Variants in OSBPL1A observed in about 807,000 individuals in gnomAD.
OSBPL1A encodes the protein oxysterol-binding protein-related protein 1.
In OSBPL1A, 80 loss-of-function variants were observed where a neutral mutation model predicts 137.1. The ratio of observed to expected loss-of-function variants is 0.58; its 90% confidence interval spans 0.49 to 0.70. The LOEUF is 0.70. Among genes scored for constraint, OSBPL1A ranks in the 30% least tolerant of loss-of-function variants. The pLI, the probability that OSBPL1A is intolerant of heterozygous loss-of-function variation, is 0.00. For synonymous variants in OSBPL1A, 365 were observed against 389.7 expected (o/e 0.94, Z 0.75); for missense variants, 970 against 1,129.4 (o/e 0.86, Z 2.02).
At chr18:24,236,711 GT>G (rs1338361150) in intron 16 of OSBPL1A, among the ~76,000 whole-genome samples, 9 of 152,126 alleles carry the variant, frequency 5.9e-5, no homozygotes, top group African/African-American at 1.9e-4. Context: ...GAGCCTAGGC[GT>G]TTGGACTGAG....
intron 14 of OSBPL1A, among the ~76,000 whole-genome samples, chr18:24,290,212 G>A (rs1219341102): frequency 4.6e-5 from 7 of 152,110 alleles, no homozygotes; most frequent in Admixed American, 6.6e-5. Flanking sequence ...TAAAGACACC[G>A]AATAAAACAG....
intron 14 of OSBPL1A, among the ~76,000 whole-genome samples, chr18:24,300,496 G>A (rs888782660): frequency 2.0e-5 from 3 of 152,218 alleles, no homozygotes; most frequent in Non-Finnish European, 4.4e-5. Flanking sequence ...ATCTGAGTTA[G>A]AAGAGTTCCT....
At chr18:24,378,969 A>G (rs1036321884) in intron 1 of OSBPL1A, among the ~76,000 whole-genome samples, 1 of 152,176 alleles carries the variant, frequency 6.6e-6, no homozygotes, top group Non-Finnish European at 1.5e-5. Context: ...GACAAAGACC[A>G]AAACCAAACA....
At chr18:24,207,086 T>C (rs924024791) in intron 17 of OSBPL1A, among the ~76,000 whole-genome samples, 1 of 152,208 alleles carries the variant, frequency 6.6e-6, no homozygotes, top group Non-Finnish European at 1.5e-5. Flanking sequence ...CAATGAGGTA[T>C]GAAGAACACA....
intron 22 of OSBPL1A, 140 bp from the exon 23 acceptor site, chr18:24,171,638 G>T: frequency 1.5e-6 from 1 of 646,894 alleles, no homozygotes; most frequent in South Asian, 2.1e-5. Flanking sequence ...AAGTGATAAT[G>T]ATTAATCCTC....
intron 1 of OSBPL1A, among the ~76,000 whole-genome samples, chr18:24,390,473 C>T (rs772419449): frequency 6.6e-6 from 1 of 152,064 alleles, no homozygotes; most frequent in Non-Finnish European, 1.5e-5. Context: ...CAGGCGATCA[C>T]TTGAGGTCAG....
chr18:24,165,011 G>C, intron 27 of OSBPL1A, 54 bp downstream of exon 27: 2 of 1,574,506 alleles, frequency 1.3e-6, no homozygotes, highest in South Asian at 2.2e-5. Context: ...TGCCTCGTCT[G>C]CACACAGCAG....
chr18:24,196,613 C>A (rs1258815289), intron 17 of OSBPL1A, among the ~76,000 whole-genome samples: 1 of 151,974 alleles, frequency 6.6e-6, no homozygotes, highest in Non-Finnish European at 1.5e-5. Flanking sequence ...AAACAAAATG[C>A]CATCACAAAG....
intron 13 of OSBPL1A, 68 bp downstream of exon 13, chr18:24,311,915 GA>G: frequency 6.4e-7 from 1 of 1,568,286 alleles, no homozygotes. Context: ...ACATCTTAAA[GA>G]AAAAAGTTCT....
intron 17 of OSBPL1A, among the ~76,000 whole-genome samples, chr18:24,208,587 T>C (rs1391355500): frequency 1.3e-5 from 2 of 152,244 alleles, no homozygotes; most frequent in African/African-American, 4.8e-5. Context: ...CACCAATTTC[T>C]TAAGAACATG....
At chr18:24,273,919 G>A (rs1217648807) in intron 15 of OSBPL1A, among the ~76,000 whole-genome samples, 4 of 152,044 alleles carry the variant, frequency 2.6e-5, no homozygotes, top group Non-Finnish European at 4.4e-5. Context: ...AATAAAGGGA[G>A]ATAGGCAACC....
At chr18:24,341,430 A>T in intron 5 of OSBPL1A, 117 bp downstream of exon 5, 1 of 676,718 alleles carries the variant, frequency 1.5e-6, no homozygotes, top group Non-Finnish European at 2.6e-6. Flanking sequence ...TGACATTATC[A>T]TTAGAGCATC....
intron 21 of OSBPL1A, among the ~76,000 whole-genome samples, chr18:24,175,764 G>C (rs2086429567): frequency 6.6e-6 from 1 of 152,074 alleles, no homozygotes; most frequent in African/African-American, 2.4e-5. Context: ...AAAACCCTTA[G>C]TTTTACATTT....
chr18:24,170,844 TCTCA>T (rs541324137), intron 23 of OSBPL1A, among the ~76,000 whole-genome samples: 1 of 152,208 alleles, frequency 6.6e-6, no homozygotes, highest in Non-Finnish European at 1.5e-5. Flanking sequence ...AGAGACAGGA[TCTCA>T]CTATGTTATC....
intron 18 of OSBPL1A, among the ~76,000 whole-genome samples, chr18:24,188,711 A>G (rs1236569910): frequency 1.3e-5 from 2 of 152,196 alleles, no homozygotes; most frequent in Non-Finnish European, 2.9e-5. Context: ...ACTTACTTGC[A>G]ATTGTATTGC....
intron 1 of OSBPL1A, among the ~76,000 whole-genome samples, chr18:24,385,128 G>A (rs372015155): frequency 6.6e-6 from 1 of 151,862 alleles, no homozygotes; most frequent in Admixed American, 6.5e-5. Context: ...CTAATTTTTT[G>A]TATTTTTAGT....
chr18:24,173,019 T>C (rs68160765), intron 21 of OSBPL1A, among the ~76,000 whole-genome samples: 37,419 of 152,028 alleles, frequency 0.25, 4,806 homozygotes, highest in East Asian at 0.38. Flanking sequence ...CAATGATAGA[T>C]TGGATAAAGC....
intron 15 of OSBPL1A, among the ~76,000 whole-genome samples, chr18:24,240,120 C>T (rs917842417): frequency 1.3e-5 from 2 of 152,020 alleles, no homozygotes; most frequent in Admixed American, 6.6e-5. Flanking sequence ...GATGGGGTTT[C>T]ACCATGTTGG....
At position 24,202,434 on chromosome 18, in the gene OSBPL1A, T is replaced by C. The variant is rs1171208392; in HGVS notation, c.1602-6234A>G. 2.0e-5 allele frequency among the ~76,000 whole-genome samples: 3 copies of C among 152,270 alleles called. No homozygotes were observed. In the East Asian group the frequency reaches 5.8e-4, roughly 29 times the overall value. On this transcript the variant is annotated intron_variant, in intron 17 of 27. Coordinates refer to ENST00000319481, the MANE Select transcript of OSBPL1A (RefSeq NM_080597.4). ...ACACTCATTGTCAGTGGTGACATCA[T>C]CTGTCCACTAAATTATCTTCTCACT...
Sources: gnomAD v4.1 joint callset for allele counts (sites outside exome capture counted in the v4.1 genomes callset) on GRCh38, gnomAD v4.1.1 for gene constraint, MANE v1.5 for transcripts, NCBI Gene and HGNC (gene_info 2026-07-23, HGNC 2026-07-21) for gene names.